PAPPA: variants seen among roughly 807,000 people sequenced by gnomAD.
The protein encoded by PAPPA is pappalysin-1.
A neutral mutation model predicts 164.0 loss-of-function variants in PAPPA; 60 were observed. That is an observed-to-expected ratio of 0.37 (90% CI 0.30 to 0.45). The LOEUF is 0.45. Ranked by LOEUF, PAPPA falls within the 20% of genes least tolerant of loss-of-function variation. The probability of loss-of-function intolerance (pLI) is 1.00; values close to 1 mark genes in which losing one functional copy is unlikely to be tolerated. For synonymous variants in PAPPA, 875 were observed against 814.1 expected (o/e 1.07, Z -1.27); for missense variants, 1,782 against 2,087.3 (o/e 0.85, Z 2.85).
At chr9:116,349,182 T>C (rs1012271562) in intron 15 of PAPPA, among the ~76,000 whole-genome samples, 1 of 147,126 alleles carries the variant, frequency 6.8e-6, no homozygotes, top group African/African-American at 2.5e-5. Context: ...AGCCAGTTGA[T>C]TGAGTGATTG....
chr9:116,398,479 TAAAA>T lies in PAPPA; in HGVS notation c.*1877_*1880del, dbSNP rs373083822. On this transcript the variant is annotated 3_prime_UTR_variant, in exon 22 of 22. Coordinates refer to ENST00000328252, the MANE Select transcript of PAPPA (RefSeq NM_002581.5). ...GGTGTTGTTAATCTATCATAGCACT[TAAAA>T]AAAAAAAAAAAAAGAGACCAAAAAT... The T allele has an allele frequency of 1.4e-4, 99 of 702,232 alleles. No homozygotes were observed. The highest frequency in any genetic ancestry group is 4.6e-4 in the Middle Eastern group (1 of 2,160). 43.5% of individuals were successfully genotyped at this position (702,232 alleles called of 1,614,324 possible).
chr9:116,210,168 T>G (rs1490086976), intron 3 of PAPPA, among the ~76,000 whole-genome samples: 9 of 152,132 alleles, frequency 5.9e-5, no homozygotes. Context: ...TGCCCCCTTC[T>G]CATACCCAAG....
intron 2 of PAPPA, among the ~76,000 whole-genome samples, chr9:116,196,972 A>G (rs1360427430): frequency 6.6e-6 from 1 of 152,224 alleles, no homozygotes; most frequent in Non-Finnish European, 1.5e-5. Context: ...CCACAAAATC[A>G]TGAAGTAAGA....
At chr9:116,177,402 A>C (rs566327229) in intron 1 of PAPPA, among the ~76,000 whole-genome samples, 6 of 152,160 alleles carry the variant, frequency 3.9e-5, no homozygotes, top group African/African-American at 1.4e-4. Context: ...GCATTTTGTC[A>C]ACTTAATTGG....
chr9:116,344,564 G>C lies in PAPPA; in HGVS notation c.3633G>C (p.Glu1211Asp), dbSNP rs1846181998. 1 of 1,613,634 alleles carries C rather than the reference G, an allele frequency of 6.2e-7. No individual in the cohort carries two copies. Among genetic ancestry groups the C allele is most frequent in the African/African-American group, 1.3e-5 (1 of 74,902 alleles). The part of the protein sequence containing the change: ...AEQSCVHFAC[E>D]KTDCPELAVE... Reference sequence around the variant, plus strand: ...CCAGCTGCGTGCACTTCGCATGTGAGAAAACTGACTGTCCAGAGCTGGCTG... The same window carrying C: ...CCAGCTGCGTGCACTTCGCATGTGACAAAACTGACTGTCCAGAGCTGGCTG... The change falls in exon 14 of 22, where the codon GAG (glutamate) becomes GAC (aspartate). Residue 1211 changes from glutamate (E) to aspartate (D), a missense_variant. By Grantham distance (45) the Glu-to-Asp change is conservative. Around this residue, in one of 2 missense-constraint regions of PAPPA, gnomAD observed 1,324 missense variants for 1,656.9 expected, o/e 0.80. Transcript: ENST00000328252.
chr9:116,355,153 C>G (rs781082533), intron 17 of PAPPA, among the ~76,000 whole-genome samples: 3 of 151,960 alleles, frequency 2.0e-5, no homozygotes, highest in Admixed American at 6.6e-5. Flanking sequence ...CACATCCCCA[C>G]ACTAGGCTGT....
At chr9:116,224,929 G>C (rs1194146980) in intron 5 of PAPPA, among the ~76,000 whole-genome samples, 1 of 151,498 alleles carries the variant, frequency 6.6e-6, no homozygotes, top group African/African-American at 2.4e-5. Flanking sequence ...TATCCATGAA[G>C]ACAATGTGAA....
chr9:116,397,662 T>A lies in PAPPA; in HGVS notation c.*1046T>A, dbSNP rs1302162815. The A allele has an allele frequency of 2.0e-5, 3 of 152,618 alleles. No homozygotes were observed. The highest frequency in any genetic ancestry group is 2.0e-4 in the Admixed American group (3 of 15,272). The allele number at this position is 152,618 out of a possible 1,614,324, so 9.5% of individuals were successfully genotyped here. ...TTTCCTGTAAGTGGGCCTCTCACCCTGGAAAGGAGTTGAGGGACATCAGAT... is the reference window on the plus strand; with the variant it reads ...TTTCCTGTAAGTGGGCCTCTCACCCAGGAAAGGAGTTGAGGGACATCAGAT... On this transcript the variant is annotated 3_prime_UTR_variant, in exon 22 of 22. Coordinates refer to ENST00000328252, the MANE Select transcript of PAPPA (RefSeq NM_002581.5).
chr9:116,303,117 T>A (rs1845600539), intron 10 of PAPPA, among the ~76,000 whole-genome samples, 167 bp downstream of exon 10: 1 of 152,174 alleles, frequency 6.6e-6, no homozygotes, highest in Non-Finnish European at 1.5e-5. Context: ...AAAGATTAGA[T>A]CTGGAATTGT....
Position 116,370,707 on chromosome 9 carries a change from T to A in PAPPA, c.4605+2953T>A, listed in dbSNP as rs183461691. Among the ~76,000 whole-genome samples, 119 of 152,210 alleles carry A rather than the reference T, an allele frequency of 7.8e-4. 1 individual carries two copies. The highest frequency in any genetic ancestry group is 3.4e-3 in the Middle Eastern group (1 of 294). On this transcript the variant is annotated intron_variant, in intron 19 of 21. Transcript: ENST00000328252. ...CCACCGACACTTAGCCAAGACAGACTCTATTTTAAGTCCTTTGCATATATT... is the reference window on the plus strand; with the variant it reads ...CCACCGACACTTAGCCAAGACAGACACTATTTTAAGTCCTTTGCATATATT...
At position 116,154,830 on chromosome 9, in the gene PAPPA, C is replaced by A. The variant is rs1843582362; in HGVS notation, c.415+243C>A. On this transcript the variant is annotated intron_variant, in intron 1 of 21. Coordinates refer to ENST00000328252, the MANE Select transcript of PAPPA (RefSeq NM_002581.5). This position sits in a 1 kb window ranked among gnomAD's most constrained non-coding sequence, Gnocchi z 5.2. ...GGAGGAACCTGGGGAGCCCTCCTGG[C>A]GGCCCCGCGGACCCTCGGCCAGTGA... 6.6e-6 allele frequency among the ~76,000 whole-genome samples: 1 copy of A among 152,174 alleles called. No individual in the cohort carries two copies. The highest frequency in any genetic ancestry group is 6.5e-5 in the Admixed American group (1 of 15,290).
At chr9:116,227,949 T>C (rs752902698) in intron 6 of PAPPA, among the ~76,000 whole-genome samples, 1 of 152,214 alleles carries the variant, frequency 6.6e-6, no homozygotes, top group Non-Finnish European at 1.5e-5. Context: ...TCTTTGATTC[T>C]TCTTCTGTTA....
At position 116,227,505 on chromosome 9, in the gene PAPPA, C is replaced by A. The variant is rs759647846; in HGVS notation, c.2186C>A (p.Pro729Gln). ...CAGTATGCTTCCAACGCTTCCTCCC[C>A]AATGCCCTGCAGCCCATCAGGACAC... Reference protein sequence around the residue: ...LVQYASNASSPMPCSPSGHWS... With the variant: ...LVQYASNASSQMPCSPSGHWS... The change falls in exon 6 of 22, where the codon CCA (proline) becomes CAA (glutamine). Residue 729 changes from proline to glutamine, a missense_variant. Around this residue, in one of 2 missense-constraint regions of PAPPA, gnomAD observed 1,324 missense variants for 1,656.9 expected, o/e 0.80. Coordinates refer to ENST00000328252, the MANE Select transcript of PAPPA (RefSeq NM_002581.5). 7 of 1,614,092 alleles carry A rather than the reference C, an allele frequency of 4.3e-6. No individual in the cohort carries two copies. Among genetic ancestry groups the A allele is most frequent in the Non-Finnish European group, 5.9e-6 (7 of 1,179,996 alleles).
chr9:116,273,032 C>T (rs558085179), intron 9 of PAPPA, among the ~76,000 whole-genome samples: 1 of 152,266 alleles, frequency 6.6e-6, no homozygotes, highest in Non-Finnish European at 1.5e-5. Context: ...CAAACTCTTA[C>T]CTTTGTCGTC....
At chr9:116,278,785 A>T (rs1845232641) in intron 9 of PAPPA, among the ~76,000 whole-genome samples, 1 of 151,908 alleles carries the variant, frequency 6.6e-6, no homozygotes, top group Non-Finnish European at 1.5e-5. Context: ...ATCTCTCAAT[A>T]CCTCTGAGTC....
At chr9:116,223,815 A>C (rs1844473234) in intron 5 of PAPPA, among the ~76,000 whole-genome samples, 1 of 152,184 alleles carries the variant, frequency 6.6e-6, no homozygotes, top group Admixed American at 6.5e-5. Context: ...CCTCAGCTTT[A>C]TCACTCCCAG....
chr9:116,223,695 G>A (rs981768573), intron 5 of PAPPA, among the ~76,000 whole-genome samples: 2 of 152,180 alleles, frequency 1.3e-5, no homozygotes, highest in African/African-American at 4.8e-5. Context: ...GTAAAGAAAT[G>A]GAACTGTCTT....
At chr9:116,343,109 C>T (rs2118973601) in intron 13 of PAPPA, among the ~76,000 whole-genome samples, 1 of 152,316 alleles carries the variant, frequency 6.6e-6, no homozygotes, top group Admixed American at 6.5e-5. Flanking sequence ...GTAACCTAAT[C>T]TTGCCAGTCC....
intron 11 of PAPPA, 31 bp from the exon 12 acceptor site, chr9:116,332,302 A>G: frequency 1.2e-6 from 2 of 1,603,038 alleles, no homozygotes; most frequent in South Asian, 2.2e-5. Flanking sequence ...CTGAGTGCAC[A>G]TGTGACCCTC....
Sources: gnomAD v4.1 joint callset for allele counts (sites outside exome capture counted in the v4.1 genomes callset) on GRCh38, gnomAD v4.1.1 for gene constraint, gnomAD v4.1.1 regional missense constraint, Gnocchi (gnomAD v3.1) non-coding constraint, MANE v1.5 for transcripts, NCBI Gene and HGNC (gene_info 2026-07-23, HGNC 2026-07-21) for gene names.